The following SLC7A8 variants were observed in gnomAD, a reference collection of about 807,000 sequenced individuals.
The protein encoded by SLC7A8 is large neutral amino acids transporter small subunit 2.
A neutral mutation model predicts 51.2 loss-of-function variants in SLC7A8; 30 were observed. The ratio of observed to expected loss-of-function variants is 0.59; its 90% CI spans 0.44 to 0.80. SLC7A8 has a LOEUF of 0.80. Ranked by LOEUF, SLC7A8 falls within the 30% of genes least tolerant of loss-of-function variation. The pLI, the probability that SLC7A8 is intolerant of heterozygous loss-of-function variation, is 0.00. For missense variants in SLC7A8, 612 were observed against 674.4 expected, an observed-to-expected ratio of 0.91 and a Z score of 1.03; for synonymous variants, 257 against 275.8, an observed-to-expected ratio of 0.93 and a Z score of 0.67.
At chr14:23,149,446 T>C (rs2048827412) in intron 3 of SLC7A8, among the ~76,000 whole-genome samples, 1 of 151,994 alleles carries the variant, frequency 6.6e-6, no homozygotes, top group Non-Finnish European at 1.5e-5. Context: ...GCGAGTGGAG[T>C]GCCAGGATGT....
At chr14:23,152,839 C>T (rs74667093) in intron 3 of SLC7A8, among the ~76,000 whole-genome samples, 3,495 of 152,254 alleles carry the variant, frequency 0.023, 138 homozygotes, top group African/African-American at 0.08. Flanking sequence ...ATCCCTGAAC[C>T]AATCTCATTT....
chr14:23,145,426 C>T (rs139664693), intron 3 of SLC7A8, among the ~76,000 whole-genome samples: 2,381 of 150,454 alleles, frequency 0.016, 54 homozygotes, highest in African/African-American at 0.055. Context: ...ACTCAGGAGG[C>T]TGAGGCAGGA....
At chr14:23,178,379 A>T (rs1056596172) in intron 1 of SLC7A8, among the ~76,000 whole-genome samples, 3 of 152,168 alleles carry the variant, frequency 2.0e-5, no homozygotes, top group African/African-American at 7.2e-5. Context: ...TTAGGTTAGG[A>T]CAAGGATGAT....
At chr14:23,139,672 T>C in intron 5 of SLC7A8, 125 bp from the exon 6 acceptor site, 2 of 1,222,130 alleles carry the variant, frequency 1.6e-6, no homozygotes, top group South Asian at 1.6e-5. Context: ...TGAGGCTTCC[T>C]TTCCCTGGGA....
chr14:23,145,065 C>T (rs535653566), intron 3 of SLC7A8, among the ~76,000 whole-genome samples: 149 of 147,902 alleles, frequency 1.0e-3, no homozygotes, highest in East Asian at 4.1e-3. Flanking sequence ...GGACTACAGG[C>T]GCCCGCCACC....
chr14:23,132,971 G>A (rs972968535), intron 7 of SLC7A8, among the ~76,000 whole-genome samples: 11 of 151,714 alleles, frequency 7.3e-5, no homozygotes, highest in South Asian at 4.2e-4. Flanking sequence ...TTGAGGCAGG[G>A]TCTTGCCATG....
chr14:23,176,442 G>T (rs1876910861), intron 1 of SLC7A8, among the ~76,000 whole-genome samples: 1 of 152,024 alleles, frequency 6.6e-6, no homozygotes, highest in South Asian at 2.1e-4. Flanking sequence ...CTCCTGTCTT[G>T]GTTACCAATT....
rs147966324 is a variant in SLC7A8, at chr14:23,170,912, G to C, written c.152-4372C>G. On this transcript the variant is annotated intron_variant, in intron 1 of 10. Coordinates refer to ENST00000316902, the MANE Select transcript of SLC7A8 (RefSeq NM_012244.4). ...AGCTAATTTTTATGTTTTTCGATGG[G>C]GGGAGGGGGTCTCACTATGTTGCCC... 5.2e-3 allele frequency among the ~76,000 whole-genome samples: 780 copies of C among 151,378 alleles called. 6 individuals carry two copies. The highest frequency in any genetic ancestry group is 0.018 in the African/African-American group (745 of 41,220).
At chr14:23,145,143 A>G (rs1394231327) in intron 3 of SLC7A8, among the ~76,000 whole-genome samples, 1 of 150,320 alleles carries the variant, frequency 6.7e-6, no homozygotes, top group Non-Finnish European at 1.5e-5. Flanking sequence ...AATGGTCTCG[A>G]TCTCCTGATC....
At chr14:23,148,824 C>T (rs2048821333) in intron 3 of SLC7A8, among the ~76,000 whole-genome samples, 1 of 152,214 alleles carries the variant, frequency 6.6e-6, no homozygotes, top group South Asian at 2.1e-4. Context: ...GAGTTTAGGA[C>T]TTCTGACTTT....
At chr14:23,155,408 TG>T (rs2048885775) in intron 3 of SLC7A8, 3 of 1,455,362 alleles carry the variant, frequency 2.1e-6, no homozygotes, top group Non-Finnish European at 2.7e-6. Flanking sequence ...CTTCTTATCC[TG>T]TTAGCTCCTG....
chr14:23,134,168 G>T (rs1182798880), intron 7 of SLC7A8, among the ~76,000 whole-genome samples: 1 of 151,922 alleles, frequency 6.6e-6, no homozygotes, highest in Non-Finnish European at 1.5e-5. Flanking sequence ...TTGTCTCTGG[G>T]TGGTGAAATT....
intron 3 of SLC7A8, among the ~76,000 whole-genome samples, chr14:23,153,569 A>T (rs2048865752): frequency 6.6e-6 from 1 of 152,190 alleles, no homozygotes; most frequent in African/African-American, 2.4e-5. Flanking sequence ...GGAAGATGCC[A>T]ATATGGCAAA....
intron 3 of SLC7A8, among the ~76,000 whole-genome samples, chr14:23,162,654 G>A (rs535876753): frequency 6.6e-6 from 1 of 152,310 alleles, no homozygotes; most frequent in South Asian, 2.1e-4. Flanking sequence ...ATGTCATTCT[G>A]GAGCAGGGCT....
chr14:23,132,776 C>T (rs2048650527), intron 7 of SLC7A8, among the ~76,000 whole-genome samples: 2 of 152,034 alleles, frequency 1.3e-5, no homozygotes, highest in African/African-American at 2.4e-5. Flanking sequence ...GCTGGGATTA[C>T]AGGCATGCGC....
intron 3 of SLC7A8, among the ~76,000 whole-genome samples, chr14:23,145,537 G>GA (rs34025022): frequency 8.1e-4 from 9 of 11,180 alleles, no homozygotes; most frequent in South Asian, 3.6e-3. Flanking sequence ...AAAAAAAAAA[G>GA]AAAAAAAAAT....
At chr14:23,157,455 C>G (rs899262370) in intron 3 of SLC7A8, among the ~76,000 whole-genome samples, 10 of 152,282 alleles carry the variant, frequency 6.6e-5, no homozygotes, top group African/African-American at 2.4e-4. Flanking sequence ...ATGATCATGT[C>G]GGTCTTCTGT....
chr14:23,172,594 C>G (rs570571100), intron 1 of SLC7A8, among the ~76,000 whole-genome samples: 4 of 152,342 alleles, frequency 2.6e-5, no homozygotes, highest in Non-Finnish European at 4.4e-5. Context: ...CCCGGCCCAA[C>G]TGGGGAGCCA....
At chr14:23,131,390 T>C (rs948126873) in intron 8 of SLC7A8, 71 bp downstream of exon 8, 82 of 1,305,680 alleles carry the variant, frequency 6.3e-5, no homozygotes, top group Non-Finnish European at 1.6e-5. Context: ...GTGAAAAGCA[T>C]GAACTCCCAG....
Sources: allele counts gnomAD v4.1 joint callset (sites outside exome capture counted in the v4.1 genomes callset), GRCh38; gene constraint gnomAD v4.1.1; transcripts MANE v1.5; gene names NCBI Gene and HGNC (gene_info 2026-07-23, HGNC 2026-07-21).